PARP15: variants seen among roughly 807,000 people sequenced by gnomAD.
PARP15 encodes poly(ADP-ribose) polymerase family member 15, also known as protein mono-ADP-ribosyltransferase PARP15.
PARP15 carries 50 observed loss-of-function variants against 62.1 expected under a neutral mutation model. That is an observed-to-expected ratio of 0.81 (90% confidence interval 0.64 to 1.02). The LOEUF (loss-of-function observed/expected upper bound fraction) is 1.02. Ranked by LOEUF, PARP15 falls within the 50% of genes least tolerant of loss-of-function variation. The probability of loss-of-function intolerance (pLI) is 0.00; values close to 1 mark genes in which losing one functional copy is unlikely to be tolerated. For synonymous variants in PARP15, 309 were observed against 293.1 expected (o/e 1.05, Z -0.55); for missense variants, 820 against 826.5 (o/e 0.99, Z 0.10).
intron 4 of PARP15, among the ~76,000 whole-genome samples, chr3:122,614,007 G>A (rs1448761916): frequency 2.0e-5 from 3 of 151,616 alleles, no homozygotes; most frequent in Non-Finnish European, 2.9e-5. Flanking sequence ...TACCACGCTC[G>A]GCTAATTTTT....
At chr3:122,578,992 A>G (rs1169786782) in intron 1 of PARP15, among the ~76,000 whole-genome samples, 1 of 152,238 alleles carries the variant, frequency 6.6e-6, no homozygotes, top group Non-Finnish European at 1.5e-5. Context: ...TAAGCTGGAA[A>G]GTCACTAGAA....
At chr3:122,603,612 C>CA (rs1934963208) in intron 1 of PARP15, among the ~76,000 whole-genome samples, 1 of 152,044 alleles carries the variant, frequency 6.6e-6, no homozygotes, top group Non-Finnish European at 1.5e-5. Flanking sequence ...CCAACCAAAA[C>CA]AAAAAGGAAA....
At chr3:122,599,552 C>G (rs1934635510) in intron 1 of PARP15, among the ~76,000 whole-genome samples, 1 of 142,144 alleles carries the variant, frequency 7.0e-6, no homozygotes, top group Non-Finnish European at 1.5e-5. Context: ...CTCTCTCTTT[C>G]TTTCTTTTTC....
chr3:122,614,486 GA>G (rs1324018097), intron 4 of PARP15, among the ~76,000 whole-genome samples: 2 of 152,054 alleles, frequency 1.3e-5, no homozygotes, highest in Non-Finnish European at 2.9e-5. Context: ...TTATCCATAG[GA>G]AATAATAATA....
intron 7 of PARP15, 24 bp downstream of exon 7, chr3:122,619,867 C>A (rs1214476067): frequency 6.3e-7 from 1 of 1,594,544 alleles, no homozygotes; most frequent in African/African-American, 1.3e-5. Flanking sequence ...TTACTTTTGA[C>A]TACAAACTTG....
chr3:122,581,900 C>T (rs1486173320), intron 1 of PARP15, among the ~76,000 whole-genome samples: 1 of 152,084 alleles, frequency 6.6e-6, no homozygotes, highest in African/African-American at 2.4e-5. Flanking sequence ...ACTACTGTAG[C>T]TTTGTAATAT....
chr3:122,610,312 T>C (rs960628515), intron 2 of PARP15, among the ~76,000 whole-genome samples, 182 bp from the exon 3 acceptor site: 1 of 152,242 alleles, frequency 6.6e-6, no homozygotes, highest in African/African-American at 2.4e-5. Context: ...GTTTTGGAAG[T>C]AACCTCATCA....
intron 1 of PARP15, among the ~76,000 whole-genome samples, chr3:122,578,862 T>G (rs2080739932): frequency 6.6e-6 from 1 of 152,186 alleles, no homozygotes; most frequent in South Asian, 2.1e-4. Flanking sequence ...AGATTGAAAA[T>G]TTGAGTATGT....
intron 1 of PARP15, among the ~76,000 whole-genome samples, chr3:122,591,764 C>CGAAA (rs1933940736): frequency 9.7e-6 from 1 of 103,416 alleles, no homozygotes. Flanking sequence ...GACTCTGTCT[C>CGAAA]AAAAAAAAAA....
At chr3:122,588,510 C>T (rs1315808619) in intron 1 of PARP15, among the ~76,000 whole-genome samples, 2 of 152,026 alleles carry the variant, frequency 1.3e-5, no homozygotes, top group African/African-American at 4.8e-5. Flanking sequence ...TAGAAATTTT[C>T]AGCAAGGTGT....
rs546541334 is a variant in PARP15, at chr3:122,637,682, A to G, written c.*1582A>G. 6.6e-6 allele frequency: 1 copy of G among 152,302 alleles called. No homozygotes were observed. Among genetic ancestry groups the G allele is most frequent in the African/African-American group, 2.4e-5 (1 of 41,580 alleles). 9.4% of individuals were successfully genotyped at this position (152,302 alleles called of 1,614,324 possible). ...ATAATTCCAGCACTAAGGGAAAACC[A>G]CTGCCAATTTCTCATGTCTCCCTTC... On this transcript the variant is annotated 3_prime_UTR_variant, in exon 12 of 12. Coordinates refer to ENST00000464300, the MANE Select transcript of PARP15 (RefSeq NM_001113523.3).
chr3:122,584,573 C>CT (rs377394521), intron 1 of PARP15, among the ~76,000 whole-genome samples: 1 of 136,908 alleles, frequency 7.3e-6, no homozygotes, highest in Admixed American at 8.0e-5. Flanking sequence ...CCATTTCTTT[C>CT]CTTTTTTTTT....
In PARP15 at chr3:122,627,014, C is replaced by A; in HGVS notation, c.1419C>A (p.Ser473=). 4.3e-6 allele frequency: 7 copies of A among 1,612,058 alleles called. No homozygotes were observed. Among genetic ancestry groups the A allele is most frequent in the Non-Finnish European group, 5.9e-6 (7 of 1,178,600 alleles). ...RDLSASLNFQ[S]TFSMTTCNLP... is the part of the protein sequence containing the mutation. ...TCTCTGCATCACTGAACTTTCAGTC[C>A]ACATTCTCCATGACTACATGTAAGA... Residue 473 remains serine, a synonymous_variant, in exon 9 of 12, where the codon TCC becomes TCA. Coordinates refer to ENST00000464300, the MANE Select transcript of PARP15 (RefSeq NM_001113523.3).
At chr3:122,627,754 T>C (rs895516644) in intron 9 of PARP15, among the ~76,000 whole-genome samples, 1 of 152,272 alleles carries the variant, frequency 6.6e-6, no homozygotes, top group African/African-American at 2.4e-5. Context: ...AATGATTGTC[T>C]GCTGCTGTCA....
chr3:122,630,194 T>C (rs777180375), intron 9 of PARP15, among the ~76,000 whole-genome samples: 1 of 152,212 alleles, frequency 6.6e-6, no homozygotes, highest in Non-Finnish European at 1.5e-5. Flanking sequence ...CTCCTTACTT[T>C]GATAATGACC....
chr3:122,623,764 A>C lies in PARP15; in HGVS notation c.1231+2153A>C, dbSNP rs191294389. ...TTGCCCATTAAATTTTGTTGAATGG[A>C]GGAATGAATAACAGGTGATTTTGAT... is the stretch of plus-strand genomic sequence containing the variant. On this transcript the variant is annotated intron_variant, in intron 8 of 11. Coordinates refer to ENST00000464300, the MANE Select transcript of PARP15 (RefSeq NM_001113523.3). Among the ~76,000 whole-genome samples the C allele has an allele frequency of 3.4e-3, 513 of 152,324 alleles. 5 individuals carry two copies. The highest frequency in any genetic ancestry group is 0.012 in the African/African-American group (491 of 41,578).
intron 1 of PARP15, among the ~76,000 whole-genome samples, chr3:122,578,497 GTC>G (rs1242717678): frequency 1.3e-5 from 2 of 152,078 alleles, no homozygotes; most frequent in Non-Finnish European, 2.9e-5. Context: ...GGTCGTCACT[GTC>G]CCAGTAACTT....
At chr3:122,606,210 G>A (rs1935149905) in intron 2 of PARP15, among the ~76,000 whole-genome samples, 155 bp downstream of exon 2, 1 of 152,154 alleles carries the variant, frequency 6.6e-6, no homozygotes, top group Non-Finnish European at 1.5e-5. Context: ...TAAAGTTTAT[G>A]CAGATATATA....
intron 1 of PARP15, 48 bp downstream of exon 1, chr3:122,577,901 C>T (rs1376110235): frequency 5.4e-6 from 8 of 1,476,774 alleles, no homozygotes; most frequent in Non-Finnish European, 6.3e-6. Context: ...CAGGGCTGAG[C>T]CTGGGGCCCG....
Sources: allele counts gnomAD v4.1 joint callset (sites outside exome capture counted in the v4.1 genomes callset), GRCh38; gene constraint gnomAD v4.1.1; transcripts MANE v1.5; gene names NCBI Gene and HGNC (gene_info 2026-07-23, HGNC 2026-07-21).